The following SORCS1 variants were observed in gnomAD, a reference collection of about 807,000 sequenced individuals.
SORCS1 encodes VPS10 domain-containing receptor SorCS1.
In SORCS1, 60 loss-of-function variants were observed where a neutral mutation model predicts 146.1. That is an observed-to-expected ratio of 0.41 (90% CI 0.33 to 0.51). The LOEUF is 0.51. Ranked by LOEUF, SORCS1 falls within the 20% of genes least tolerant of loss-of-function variation. SORCS1 has a pLI of 0.21. For missense variants in SORCS1, 1,352 were observed against 1,487.6 expected, an observed-to-expected ratio of 0.91 and a Z score of 1.50; for synonymous variants, 637 against 584.0, an observed-to-expected ratio of 1.09 and a Z score of -1.31.
chr10:106,641,675 T>C (rs184740257), intron 18 of SORCS1, among the ~76,000 whole-genome samples: 1 of 152,348 alleles, frequency 6.6e-6, no homozygotes, highest in East Asian at 1.9e-4. Flanking sequence ...AGGCACATTG[T>C]ACAGAGATGT....
At chr10:107,051,602 A>C (rs1960129199) in intron 1 of SORCS1, among the ~76,000 whole-genome samples, 1 of 152,132 alleles carries the variant, frequency 6.6e-6, no homozygotes. Flanking sequence ...TTTGAAGCCC[A>C]TTTGTATAAG....
intron 2 of SORCS1, among the ~76,000 whole-genome samples, chr10:106,897,661 T>C (rs1311641261): frequency 6.6e-6 from 1 of 151,778 alleles, no homozygotes; most frequent in South Asian, 2.1e-4. Flanking sequence ...CATTATTCCT[T>C]CCCAACACTC....
chr10:106,835,140 A>G (rs1445101492), intron 2 of SORCS1, among the ~76,000 whole-genome samples: 1 of 152,192 alleles, frequency 6.6e-6, no homozygotes, highest in Non-Finnish European at 1.5e-5. Context: ...CCAAGAGGTT[A>G]TTATCTTTTT....
chr10:106,756,210 CA>C (rs779340061), intron 5 of SORCS1, among the ~76,000 whole-genome samples: 2 of 151,850 alleles, frequency 1.3e-5, no homozygotes, highest in East Asian at 1.9e-4. Flanking sequence ...CAAACCTGAT[CA>C]TAAGACAACA....
At chr10:106,849,946 C>G (rs1409236549) in intron 2 of SORCS1, among the ~76,000 whole-genome samples, 3 of 152,150 alleles carry the variant, frequency 2.0e-5, no homozygotes, top group Admixed American at 1.3e-4. Flanking sequence ...TGCCCGTTCT[C>G]AGATCTCCAG....
At chr10:106,912,371 C>T (rs17121756) in intron 2 of SORCS1, among the ~76,000 whole-genome samples, 8,305 of 151,952 alleles carry the variant, frequency 0.055, 296 homozygotes, top group African/African-American at 0.096. Context: ...CTTTTTTTTA[C>T]GAGATGATCC....
chr10:106,686,151 T>C (rs1852815733), intron 10 of SORCS1, among the ~76,000 whole-genome samples: 1 of 152,182 alleles, frequency 6.6e-6, no homozygotes, highest in Non-Finnish European at 1.5e-5. Flanking sequence ...GAGAAGTGAT[T>C]GCCAAGTAAA....
At chr10:106,959,562 A>G (rs564225380) in intron 1 of SORCS1, among the ~76,000 whole-genome samples, 1 of 152,320 alleles carries the variant, frequency 6.6e-6, no homozygotes, top group South Asian at 2.1e-4. Flanking sequence ...CAAAATCACT[A>G]CATTTAAATG....
chr10:107,176,309 C>G, the SORCS1 span, among the ~76,000 whole-genome samples: 1 of 80,646 alleles, frequency 1.2e-5, no homozygotes, highest in Non-Finnish European at 2.9e-5. Flanking sequence ...TCCTTTCTCT[C>G]TTTCTTTCTC....
At chr10:106,761,780 T>A in intron 4 of SORCS1, 119 bp from the exon 5 acceptor site, 1 of 831,152 alleles carries the variant, frequency 1.2e-6, no homozygotes, top group Non-Finnish European at 2.0e-6. Flanking sequence ...ACACCTGCCA[T>A]ATACAAGGTG....
intron 1 of SORCS1, among the ~76,000 whole-genome samples, chr10:106,994,086 A>AAAAAAAAAAAAAAAAAAAAAAAAAAG (rs1554908001): frequency 7.4e-6 from 1 of 135,004 alleles, no homozygotes; most frequent in African/African-American, 3.5e-5. Flanking sequence ...AAAAAAAAAA[A>AAAAAAAAAAAAAAAAAAAAAAAAAAG]AGAAAATGAG....
chr10:106,999,682 G>T (rs749661963), intron 1 of SORCS1, among the ~76,000 whole-genome samples: 1 of 152,122 alleles, frequency 6.6e-6, no homozygotes, highest in African/African-American at 2.4e-5. Flanking sequence ...TAGCTTCAGG[G>T]ACTTCTGAGC....
chr10:106,732,101 C>T (rs1856640299), intron 5 of SORCS1, among the ~76,000 whole-genome samples: 2 of 152,182 alleles, frequency 1.3e-5, no homozygotes, highest in Non-Finnish European at 2.9e-5. Context: ...GAAAAGAAGT[C>T]TCCTTAAAGC....
chr10:106,919,123 C>T (rs1952582652), intron 2 of SORCS1, among the ~76,000 whole-genome samples: 1 of 152,184 alleles, frequency 6.6e-6, no homozygotes, highest in South Asian at 2.1e-4. Flanking sequence ...TGGCATGAAC[C>T]ACCATGCCTG....
At chr10:107,149,669 A>G (rs936969131) in intron 1 of SORCS1, among the ~76,000 whole-genome samples, 1 of 152,206 alleles carries the variant, frequency 6.6e-6, no homozygotes, top group African/African-American at 2.4e-5. Context: ...TTAGGGGAGC[A>G]ATTTATCTCT....
At chr10:106,938,126 A>T (rs1242877199) in intron 2 of SORCS1, among the ~76,000 whole-genome samples, 4 of 152,152 alleles carry the variant, frequency 2.6e-5, no homozygotes, top group Non-Finnish European at 5.9e-5. Flanking sequence ...TCAGAAGAGA[A>T]GAGGATGTAG....
intron 4 of SORCS1, among the ~76,000 whole-genome samples, chr10:106,776,134 T>C (rs1349567750): frequency 6.6e-6 from 1 of 152,184 alleles, no homozygotes; most frequent in Non-Finnish European, 1.5e-5. Context: ...TTCGTGTTCT[T>C]AAACTTTTCA....
At chr10:106,866,520 T>G (rs957079205) in intron 2 of SORCS1, among the ~76,000 whole-genome samples, 3 of 152,180 alleles carry the variant, frequency 2.0e-5, no homozygotes, top group African/African-American at 7.2e-5. Context: ...ACATAAACCC[T>G]GAGATTTCCC....
intron 5 of SORCS1, among the ~76,000 whole-genome samples, chr10:106,758,724 G>A (rs1176444852): frequency 2.0e-5 from 3 of 152,056 alleles, no homozygotes; most frequent in Admixed American, 6.5e-5. Context: ...TCATGAATAC[G>A]ATACAAAATT....
Sources: allele counts gnomAD v4.1 joint callset (sites outside exome capture counted in the v4.1 genomes callset), GRCh38; gene constraint gnomAD v4.1.1; transcripts MANE v1.5; gene names NCBI Gene and HGNC (gene_info 2026-07-23, HGNC 2026-07-21).